GALNT18: variants seen among roughly 807,000 people sequenced by gnomAD.
GALNT18 encodes polypeptide N-acetylgalactosaminyltransferase 18, also known as GalNAc-transferase 18.
In GALNT18, 44 loss-of-function variants were observed where a neutral mutation model predicts 69.5. The observed-to-expected ratio is 0.63, with a 90% CI of 0.50 to 0.81. The LOEUF is 0.81. Among genes scored for constraint, GALNT18 ranks in the 40% least tolerant of loss-of-function variants. The pLI, the probability that GALNT18 is intolerant of heterozygous loss-of-function variation, is 0.00. For missense variants in GALNT18, 715 were observed against 810.0 expected, an observed-to-expected ratio of 0.88 and a Z score of 1.42; for synonymous variants, 364 against 318.2, an observed-to-expected ratio of 1.14 and a Z score of -1.53.
intron 2 of GALNT18, among the ~76,000 whole-genome samples, chr11:11,437,072 C>T (rs1855418766): frequency 6.6e-6 from 1 of 152,186 alleles, no homozygotes; most frequent in Admixed American, 6.5e-5. Context: ...CAGAGCCTCC[C>T]TCCCCTCTGC....
rs897565335 is a variant in GALNT18 at position 11,465,650 on chromosome 11, C to T, written c.236-16714G>A. Among the ~76,000 whole-genome samples, 1 of 152,008 alleles carries T rather than the reference C, an allele frequency of 6.6e-6. No homozygotes were observed. Among genetic ancestry groups the T allele is most frequent in the African/African-American group, 2.4e-5 (1 of 41,380 alleles). Reference sequence around the variant, plus strand: ...TGATCAGGGGTAGAGAAATGGAGTGCCCAGACCACTTCATACACTTGCTTC... The same window carrying T: ...TGATCAGGGGTAGAGAAATGGAGTGTCCAGACCACTTCATACACTTGCTTC... On this transcript the variant is annotated intron_variant, in intron 1 of 10. Transcript: ENST00000227756. This position sits in a 1 kb window ranked among gnomAD's most constrained non-coding sequence, Gnocchi z 5.7.
intron 10 of GALNT18, among the ~76,000 whole-genome samples, chr11:11,282,039 C>T (rs962350878): frequency 6.6e-6 from 1 of 152,088 alleles, no homozygotes; most frequent in Non-Finnish European, 1.5e-5. Flanking sequence ...CCCTTTGATG[C>T]TGGAGCTCTT....
chr11:11,377,466 C>T lies in GALNT18; in HGVS notation c.780-87G>A. ...GCATCTCCTGAAGGTCCTTCCCCAG[C>T]AGAAAGAGGAAGGAAGGCCTGCCCA... is the stretch of plus-strand genomic sequence containing the variant. On this transcript the variant is annotated intron_variant, in intron 4 of 10. Transcript: ENST00000227756. This position sits in a 1 kb window ranked among gnomAD's most constrained non-coding sequence, Gnocchi z 4.6. 8.3e-7 allele frequency: 1 copy of T among 1,207,862 alleles called. No homozygotes were observed. Among genetic ancestry groups the T allele is most frequent in the Non-Finnish European group, 1.2e-6 (1 of 829,546 alleles). The allele number at this position is 1,207,862 out of a possible 1,614,324, so 74.8% of individuals were successfully genotyped here. A position where few individuals can be genotyped will look rare whatever the true frequency, so the allele number is the denominator to read the frequency against.
intron 1 of GALNT18, among the ~76,000 whole-genome samples, chr11:11,464,121 T>C (rs1220280240): frequency 6.6e-6 from 1 of 152,220 alleles, no homozygotes; most frequent in Non-Finnish European, 1.5e-5. Context: ...CCATGGGCTT[T>C]GAAAAGCATC....
At chr11:11,272,453 C>T (rs1034264116) in intron 10 of GALNT18, among the ~76,000 whole-genome samples, 3 of 152,166 alleles carry the variant, frequency 2.0e-5, no homozygotes, top group Non-Finnish European at 1.5e-5. Flanking sequence ...GCCTAAAGGA[C>T]AAAGTCCAAG....
chr11:11,502,272 C>A (rs1219492436), intron 1 of GALNT18, among the ~76,000 whole-genome samples: 1 of 152,206 alleles, frequency 6.6e-6, no homozygotes, highest in Non-Finnish European at 1.5e-5. Flanking sequence ...ACAGTACCTG[C>A]CTCTCCTTCC....
intron 9 of GALNT18, among the ~76,000 whole-genome samples, chr11:11,299,035 A>G (rs917020517): frequency 6.6e-6 from 1 of 152,162 alleles, no homozygotes; most frequent in Non-Finnish European, 1.5e-5. Flanking sequence ...TATTATGTCA[A>G]TAGTTTTTGG....
At chr11:11,296,202 A>G (rs1221508582) in intron 9 of GALNT18, among the ~76,000 whole-genome samples, 3 of 152,232 alleles carry the variant, frequency 2.0e-5, no homozygotes, top group Non-Finnish European at 4.4e-5. Flanking sequence ...GAAACCAACA[A>G]CATATCAGGA....
chr11:11,313,837 C>A (rs1436456934), intron 9 of GALNT18, among the ~76,000 whole-genome samples: 3 of 152,140 alleles, frequency 2.0e-5, no homozygotes, highest in African/African-American at 4.8e-5. Flanking sequence ...CTTAGATATA[C>A]AAAGCACTTA....
intron 9 of GALNT18, among the ~76,000 whole-genome samples, chr11:11,316,858 C>G (rs1039418110): frequency 6.6e-6 from 1 of 152,192 alleles, no homozygotes; most frequent in Non-Finnish European, 1.5e-5. Flanking sequence ...TCCTGCCTCC[C>G]TCTCCAGACA....
intron 1 of GALNT18, among the ~76,000 whole-genome samples, chr11:11,576,516 AG>A (rs1858928014): frequency 6.6e-6 from 1 of 152,226 alleles, no homozygotes; most frequent in Non-Finnish European, 1.5e-5. Flanking sequence ...CATGTACTCT[AG>A]GTCATCCCAG....
Position 11,433,944 on chromosome 11 carries a change from G to T in GALNT18, c.429-1157C>A, listed in dbSNP as rs575439512. The stretch of plus-strand genomic sequence containing the variant: ...GACCATGTTCCACTGCTCCAGAGTG[G>T]GAGGTGCAGCCAGGTCAGAACATGC... On this transcript the variant is annotated intron_variant, in intron 2 of 10. Coordinates refer to ENST00000227756, the MANE Select transcript of GALNT18 (RefSeq NM_198516.3). Among the ~76,000 whole-genome samples the T allele has an allele frequency of 2.0e-5, 3 of 152,230 alleles. No individual in the cohort carries two copies. The Middle Eastern group carries it at 0.01, about 525-fold the overall frequency.
At chr11:11,307,080 C>G (rs1193479987) in intron 9 of GALNT18, among the ~76,000 whole-genome samples, 1 of 152,150 alleles carries the variant, frequency 6.6e-6, no homozygotes, top group East Asian at 1.9e-4. Flanking sequence ...ACTAGCTGAG[C>G]AGCAGTTGAC....
At chr11:11,388,068 C>T (rs1479792847) in intron 3 of GALNT18, among the ~76,000 whole-genome samples, 1 of 152,220 alleles carries the variant, frequency 6.6e-6, no homozygotes, top group South Asian at 2.1e-4. Context: ...TTCCCTTACT[C>T]AGGCTACAGG....
rs1856050337 is a variant in GALNT18, at chr11:11,461,814, A to T, written c.236-12878T>A. Among the ~76,000 whole-genome samples, 1 of 152,252 alleles carries T rather than the reference A, an allele frequency of 6.6e-6. No individual in the cohort carries two copies. Among genetic ancestry groups the T allele is most frequent in the Non-Finnish European group, 1.5e-5 (1 of 68,052 alleles). On this transcript the variant is annotated intron_variant, in intron 1 of 10. Coordinates refer to ENST00000227756, the MANE Select transcript of GALNT18 (RefSeq NM_198516.3). The surrounding 1 kb of genome is among the most constrained non-coding windows in gnomAD (Gnocchi z 4.1). Reference sequence around the variant, plus strand: ...GCCAGTAGGACAGCCTGCAGCCCAGAACAATGCCAGACGCCATGACTCCTT... The same window carrying T: ...GCCAGTAGGACAGCCTGCAGCCCAGTACAATGCCAGACGCCATGACTCCTT...
intron 1 of GALNT18, among the ~76,000 whole-genome samples, chr11:11,615,211 A>G (rs2133970248): frequency 6.6e-6 from 1 of 152,348 alleles, no homozygotes; most frequent in Non-Finnish European, 1.5e-5. Flanking sequence ...TGAGAAGAAC[A>G]CGAGCCAATT....
intron 6 of GALNT18, among the ~76,000 whole-genome samples, chr11:11,346,361 T>C (rs1850303358): frequency 6.6e-6 from 1 of 152,192 alleles, no homozygotes; most frequent in African/African-American, 2.4e-5. Context: ...TCACTGACTA[T>C]ACAGGCATGG....
chr11:11,502,892 A>T (rs1412347277), intron 1 of GALNT18, among the ~76,000 whole-genome samples: 3 of 152,180 alleles, frequency 2.0e-5, no homozygotes, highest in Non-Finnish European at 4.4e-5. Flanking sequence ...CCCAAGACAC[A>T]AAATAGTTGA....
intron 1 of GALNT18, among the ~76,000 whole-genome samples, chr11:11,498,247 C>T (rs564062024): frequency 2.0e-5 from 3 of 152,172 alleles, no homozygotes; most frequent in Non-Finnish European, 2.9e-5. Flanking sequence ...ATTCTCTTTT[C>T]GCTCATATTT....
Sources: gnomAD v4.1 joint callset for allele counts (sites outside exome capture counted in the v4.1 genomes callset) on GRCh38, gnomAD v4.1.1 for gene constraint, Gnocchi (gnomAD v3.1) non-coding constraint, MANE v1.5 for transcripts, NCBI Gene and HGNC (gene_info 2026-07-23, HGNC 2026-07-21) for gene names.